Variants in TAOK1 observed in about 807,000 individuals in gnomAD.
TAOK1 encodes the protein TAO kinase 1, also known as serine/threonine-protein kinase TAO1.
Under a neutral mutation model 138.3 loss-of-function variants are expected in TAOK1, and 21 were observed. The observed-to-expected ratio is 0.15, with a 90% CI of 0.11 to 0.22. The LOEUF is 0.22. Ranked by LOEUF, TAOK1 falls within the 10% of genes least tolerant of loss-of-function variation. The pLI is 1.00. For synonymous variants in TAOK1, 361 were observed against 398.4 expected (o/e 0.91, Z 1.12); for missense variants, 651 against 1,227.7 (o/e 0.53, Z 7.02).
chr17:29,458,529 G>T (rs187304519), intron 2 of TAOK1, among the ~76,000 whole-genome samples: 130 of 152,170 alleles, frequency 8.5e-4, no homozygotes, highest in Non-Finnish European at 1.6e-3. Context: ...ACGAAGTCTC[G>T]CTCTCTTACC....
chr17:29,489,895 T>A (rs2031261367), intron 9 of TAOK1, 138 bp downstream of exon 9: 3 of 481,950 alleles, frequency 6.2e-6, no homozygotes, highest in Admixed American at 8.5e-5. Context: ...TATTTTACCC[T>A]TTTAAATATA....
intron 2 of TAOK1, among the ~76,000 whole-genome samples, chr17:29,457,420 T>TTG (rs1223301107): frequency 1.5e-5 from 2 of 137,862 alleles, no homozygotes; most frequent in African/African-American, 5.4e-5. Flanking sequence ...TTTTTTTTTT[T>TTG]TTTGAGATGG....
intron 8 of TAOK1, among the ~76,000 whole-genome samples, chr17:29,489,418 A>G (rs2031248861): frequency 6.6e-6 from 1 of 152,148 alleles, no homozygotes; most frequent in African/African-American, 2.4e-5. Context: ...GGATTGCTTG[A>G]GCACAGGAGG....
intron 19 of TAOK1, among the ~76,000 whole-genome samples, chr17:29,539,240 G>A (rs1266857690): frequency 6.6e-6 from 1 of 152,128 alleles, no homozygotes; most frequent in Non-Finnish European, 1.5e-5. Context: ...TCCAGCCTGG[G>A]CAACAGACCA....
chr17:29,466,173 CAG>C (rs2030662997), intron 2 of TAOK1, among the ~76,000 whole-genome samples: 2 of 152,008 alleles, frequency 1.3e-5, no homozygotes, highest in Admixed American at 6.6e-5. Context: ...TTTTTTGAGA[CAG>C]AGTTGCTGTC....
At chr17:29,525,129 T>C (rs1403766662) in intron 17 of TAOK1, among the ~76,000 whole-genome samples, 1 of 152,174 alleles carries the variant, frequency 6.6e-6, no homozygotes, top group Non-Finnish European at 1.5e-5. Context: ...TTGTTTTGTT[T>C]GAGGTGGAGT....
At position 29,390,599 on chromosome 17, in the gene TAOK1, C is replaced by T. The variant is rs1466281509; in HGVS notation, c.-520C>T. ...GCCTCTCTTCCCTTTGTGAGCGCCT[C>T]CTTACCAGGGGTGGTGTTGGTGGCG... On this transcript the variant is annotated 5_prime_UTR_variant, in exon 1 of 20. Transcript: ENST00000261716. 5.9e-5 allele frequency: 9 copies of T among 152,286 alleles called. No homozygotes were observed. In the East Asian group the frequency reaches 1.6e-3, roughly 27 times the overall value. The allele number at this position is 152,286 out of a possible 1,614,324, so 9.4% of individuals were successfully genotyped here.
intron 14 of TAOK1, 61 bp downstream of exon 14, chr17:29,508,193 A>C (rs622096): frequency 0.25 from 353,949 of 1,428,138 alleles, 47,565 homozygotes; most frequent in Admixed American, 0.28. Flanking sequence ...AGAATTAACC[A>C]ACATGGCAGT....
Position 29,544,411 on chromosome 17 carries a change from A to T in TAOK1, c.*1389A>T, listed in dbSNP as rs1178677953. On this transcript the variant is annotated 3_prime_UTR_variant, in exon 20 of 20. Coordinates refer to ENST00000261716, the MANE Select transcript of TAOK1 (RefSeq NM_020791.4). ...CATCAAGTTAACATCACACAATAGG[A>T]AACACCACTTCCACAAGTCTCAAGC... 2.0e-5 allele frequency: 3 copies of T among 152,644 alleles called. No individual in the cohort carries two copies. Among genetic ancestry groups the T allele is most frequent in the African/African-American group, 7.2e-5 (3 of 41,450 alleles). The allele number at this position is 152,644 out of a possible 1,614,324, so 9.5% of individuals were successfully genotyped here.
chr17:29,451,983 G>T (rs547052771), intron 2 of TAOK1, among the ~76,000 whole-genome samples: 1 of 152,220 alleles, frequency 6.6e-6, no homozygotes, highest in East Asian at 1.9e-4. Context: ...TGGGAGGCAA[G>T]GTTGGGTGGA....
chr17:29,525,261 C>T (rs1182648403), intron 17 of TAOK1, among the ~76,000 whole-genome samples: 3 of 151,992 alleles, frequency 2.0e-5, no homozygotes, highest in Non-Finnish European at 2.9e-5. Flanking sequence ...TACAGGTGCA[C>T]ACCACCACGC....
chr17:29,423,355 A>G (rs969236375), intron 1 of TAOK1, among the ~76,000 whole-genome samples: 1 of 151,016 alleles, frequency 6.6e-6, no homozygotes, highest in Non-Finnish European at 1.5e-5. Flanking sequence ...AGCTGGGACT[A>G]CAGGTGCCCG....
At position 29,467,157 on chromosome 17, in the gene TAOK1, C is replaced by A; in HGVS notation, c.145C>A (p.Arg49Ser). 6.2e-7 allele frequency: 1 copy of A among 1,600,214 alleles called. No homozygotes were observed. The highest frequency in any genetic ancestry group is 8.5e-7 in the Non-Finnish European group (1 of 1,171,318). The change falls in exon 3 of 20, where the codon CGT (arginine) becomes AGT (serine). Residue 49 changes from arginine (R) to serine (S), a missense_variant. This residue lies in a region of TAOK1 where 116 missense variants were observed against 213.9 expected (regional missense o/e 0.54). Transcript: ENST00000261716. ...CTTTCTTCTTTAGGCACGAGATGTG[C>A]GTACCAATGAAGTGGTGGCCATCAA... is the stretch of plus-strand genomic sequence containing the variant. Reference protein sequence around the residue: ...FGAVYFARDVRTNEVVAIKKM... With the variant: ...FGAVYFARDVSTNEVVAIKKM...
At chr17:29,433,214 C>T (rs768238361) in intron 1 of TAOK1, among the ~76,000 whole-genome samples, 4 of 151,900 alleles carry the variant, frequency 2.6e-5, no homozygotes, top group Admixed American at 6.6e-5. Context: ...GGGTGGATTA[C>T]GAGGTCAGGA....
rs1021290512 is a variant in TAOK1 at position 29,543,655 on chromosome 17, A to G, written c.*633A>G. 6.6e-6 allele frequency: 1 copy of G among 152,548 alleles called. No individual in the cohort carries two copies. Among genetic ancestry groups the G allele is most frequent in the Non-Finnish European group, 1.5e-5 (1 of 68,044 alleles). 9.4% of individuals were successfully genotyped at this position (152,548 alleles called of 1,614,324 possible). On this transcript the variant is annotated 3_prime_UTR_variant, in exon 20 of 20. Transcript: ENST00000261716. ...CGGCCTTTTGGCTAAGATCAAGTGT[A>G]GAAATCCATGAACACTAAAGGACTT...
At chr17:29,464,173 C>T (rs896017285) in intron 2 of TAOK1, among the ~76,000 whole-genome samples, 1 of 151,674 alleles carries the variant, frequency 6.6e-6, no homozygotes, top group African/African-American at 2.4e-5. Context: ...CGGTGGCTCA[C>T]GCCTGTAATC....
intron 2 of TAOK1, among the ~76,000 whole-genome samples, chr17:29,465,077 T>A (rs1472756823): frequency 6.8e-6 from 1 of 147,254 alleles, no homozygotes; most frequent in African/African-American, 2.5e-5. Context: ...CGCCTCGGCC[T>A]CCCAAAGTGC....
intron 19 of TAOK1, among the ~76,000 whole-genome samples, chr17:29,539,680 C>T (rs1029756704): frequency 2.6e-5 from 4 of 152,144 alleles, no homozygotes; most frequent in South Asian, 2.1e-4. Context: ...AGGTGATCCT[C>T]GTACCTCAGC....
At chr17:29,484,537 T>C (rs2031127911) in intron 8 of TAOK1, among the ~76,000 whole-genome samples, 1 of 152,200 alleles carries the variant, frequency 6.6e-6, no homozygotes, top group African/African-American at 2.4e-5. Context: ...TCACATGTGC[T>C]AGTTAGCTAC....
Sources: gnomAD v4.1 joint callset for allele counts (sites outside exome capture counted in the v4.1 genomes callset) on GRCh38, gnomAD v4.1.1 for gene constraint, gnomAD v4.1.1 regional missense constraint, MANE v1.5 for transcripts, NCBI Gene and HGNC (gene_info 2026-07-23, HGNC 2026-07-21) for gene names.